The following BRINP2 variants were observed in gnomAD, a reference collection of about 807,000 sequenced individuals.
BRINP2 encodes the protein BMP/retinoic acid-inducible neural-specific protein 2.
A neutral mutation model predicts 69.2 loss-of-function variants in BRINP2; 21 were observed. The observed-to-expected ratio is 0.30, with a 90% CI of 0.22 to 0.44. The LOEUF is 0.44. BRINP2 is among the 20% of genes least tolerant of loss of function. BRINP2 has a pLI of 1.00. For synonymous variants in BRINP2, 380 were observed against 394.1 expected (o/e 0.96, Z 0.42); for missense variants, 877 against 986.0 (o/e 0.89, Z 1.48).
rs377701639 is a variant in BRINP2 at position 177,214,176 on chromosome 1, A to G, written c.-76-15625A>G. ...GCCGGGTGCGGTAGCTCATGCCTGTAATCCCAGCACTTTGGGAGGCCGAGG... is the reference window on the plus strand; with the variant it reads ...GCCGGGTGCGGTAGCTCATGCCTGTGATCCCAGCACTTTGGGAGGCCGAGG... On this transcript the variant is annotated intron_variant, in intron 1 of 7. Coordinates refer to ENST00000361539, the MANE Select transcript of BRINP2 (RefSeq NM_021165.4). Among the ~76,000 whole-genome samples the G allele has an allele frequency of 9.2e-5, 14 of 152,342 alleles. No individual in the cohort carries two copies. In the South Asian group the frequency reaches 1.9e-3, roughly 20 times the overall value.
intron 1 of BRINP2, among the ~76,000 whole-genome samples, chr1:177,200,943 G>A (rs1389374912): frequency 6.6e-6 from 1 of 152,120 alleles, no homozygotes; most frequent in Non-Finnish European, 1.5e-5. Context: ...ACTCAGGAAT[G>A]GAAAACCAAA....
chr1:177,250,957 G>C (rs1284842902), intron 2 of BRINP2, among the ~76,000 whole-genome samples: 1 of 152,128 alleles, frequency 6.6e-6, no homozygotes. Context: ...ATGGTGTTTT[G>C]AATATAATAT....
intron 1 of BRINP2, among the ~76,000 whole-genome samples, chr1:177,228,335 C>T (rs1350971781): frequency 6.6e-6 from 1 of 152,184 alleles, no homozygotes; most frequent in African/African-American, 2.4e-5. Flanking sequence ...AGACTCAGGC[C>T]AACCTTTAGG....
intron 1 of BRINP2, among the ~76,000 whole-genome samples, chr1:177,200,501 A>C (rs1365074257): frequency 6.6e-6 from 1 of 151,498 alleles, no homozygotes; most frequent in Non-Finnish European, 1.5e-5. Flanking sequence ...CTGCTTCATC[A>C]CCACTCCAGC....
chr1:177,213,669 G>A (rs913860825), intron 1 of BRINP2, among the ~76,000 whole-genome samples: 1 of 152,140 alleles, frequency 6.6e-6, no homozygotes, highest in South Asian at 2.1e-4. Context: ...AGTCGTGGAC[G>A]TGTGCAAGTC....
rs1285174389 is a variant in BRINP2 at position 177,256,296 on chromosome 1, T to G, written c.460+187T>G. The G allele has an allele frequency of 3.1e-6, 3 of 982,564 alleles. No individual in the cohort carries two copies. In the African/African-American group the frequency reaches 5.2e-5, roughly 17 times the overall value. 60.9% of individuals were successfully genotyped at this position (982,564 alleles called of 1,614,324 possible). A position where few individuals can be genotyped will look rare whatever the true frequency, so the allele number is the denominator to read the frequency against. On this transcript the variant is annotated intron_variant, in intron 3 of 7. Transcript: ENST00000361539. ...CAATTTACCCCAGAACATCTCTATT[T>G]AATTATTCCCTGAGGAGGGGAAGTT...
chr1:177,193,064 C>T (rs1451089842), intron 1 of BRINP2, among the ~76,000 whole-genome samples: 2 of 152,168 alleles, frequency 1.3e-5, no homozygotes, highest in African/African-American at 4.8e-5. Context: ...GAGGAGGAAA[C>T]CCACCTGGGT....
intron 1 of BRINP2, among the ~76,000 whole-genome samples, chr1:177,226,206 T>C (rs1447817967): frequency 6.6e-6 from 1 of 152,198 alleles, no homozygotes; most frequent in Non-Finnish European, 1.5e-5. Context: ...AGGAGATCAG[T>C]GCACCAAGGG....
intron 7 of BRINP2, among the ~76,000 whole-genome samples, chr1:177,280,047 T>C (rs1558189061): frequency 6.6e-6 from 1 of 152,286 alleles, no homozygotes; most frequent in East Asian, 1.9e-4. Context: ...GGCAAGAAGT[T>C]AGAAGATTTG....
At chr1:177,279,622 G>A (rs1196714801) in intron 7 of BRINP2, among the ~76,000 whole-genome samples, 6 of 152,166 alleles carry the variant, frequency 3.9e-5, no homozygotes, top group African/African-American at 9.7e-5. Context: ...AGAAGCATAC[G>A]AAGAAGTGGT....
intron 4 of BRINP2, 111 bp from the exon 5 acceptor site, chr1:177,273,377 A>G (rs1651394366): frequency 1.6e-6 from 1 of 640,020 alleles, no homozygotes; most frequent in African/African-American, 1.9e-5. Flanking sequence ...TCACTTCTAC[A>G]GCTGGTCAAG....
At chr1:177,243,452 C>T (rs1190748171) in intron 2 of BRINP2, among the ~76,000 whole-genome samples, 1 of 152,086 alleles carries the variant, frequency 6.6e-6, no homozygotes, top group South Asian at 2.1e-4. Context: ...ACCATCTCCC[C>T]CTAGACCCAA....
At chr1:177,278,425 C>T in intron 6 of BRINP2, 138 bp from the exon 7 acceptor site, 1 of 750,064 alleles carries the variant, frequency 1.3e-6, no homozygotes, top group South Asian at 1.7e-5. Context: ...TTTAAAAAAG[C>T]ACCCAGGGAA....
intron 7 of BRINP2, among the ~76,000 whole-genome samples, chr1:177,279,358 A>G (rs1335731155): frequency 6.6e-6 from 1 of 152,250 alleles, no homozygotes; most frequent in Admixed American, 6.5e-5. Context: ...AAACAGAAAC[A>G]TAAAAACTAG....
intron 2 of BRINP2, among the ~76,000 whole-genome samples, chr1:177,244,195 G>A (rs957952546): frequency 1.6e-4 from 24 of 152,182 alleles, no homozygotes; most frequent in Admixed American, 6.5e-4. Context: ...AGAAATATGG[G>A]ATACTGGCTG....
chr1:177,268,982 A>G (rs1651218908), intron 4 of BRINP2, among the ~76,000 whole-genome samples: 1 of 152,332 alleles, frequency 6.6e-6, no homozygotes, highest in South Asian at 2.1e-4. Flanking sequence ...ACCTGCACAC[A>G]GGGCTTACAT....
intron 1 of BRINP2, among the ~76,000 whole-genome samples, chr1:177,198,353 T>C (rs1482497515): frequency 1.3e-5 from 2 of 152,196 alleles, no homozygotes; most frequent in African/African-American, 4.8e-5. Flanking sequence ...ACTGTTCCCT[T>C]ATGCCCTTGT....
At chr1:177,175,578 G>A (rs1207399996) in intron 1 of BRINP2, among the ~76,000 whole-genome samples, 7 of 152,146 alleles carry the variant, frequency 4.6e-5, no homozygotes, top group African/African-American at 7.2e-5. Flanking sequence ...GCAAGTCACC[G>A]GTGGCTTGGG....
intron 1 of BRINP2, among the ~76,000 whole-genome samples, chr1:177,209,691 T>G (rs1439046345): frequency 6.6e-6 from 1 of 152,130 alleles, no homozygotes; most frequent in East Asian, 1.9e-4. Context: ...GCTGTTCAAA[T>G]TGGTGGCTGA....
Sources: allele counts gnomAD v4.1 joint callset (sites outside exome capture counted in the v4.1 genomes callset), GRCh38; gene constraint gnomAD v4.1.1; transcripts MANE v1.5; gene names NCBI Gene and HGNC (gene_info 2026-07-23, HGNC 2026-07-21).